Variants in MICU2 observed in about 807,000 individuals in gnomAD.
The protein encoded by MICU2 is mitochondrial calcium uptake 2.
MICU2 carries 64 observed loss-of-function variants against 60.4 expected under a neutral mutation model. The ratio of observed to expected loss-of-function variants is 1.06; its 90% CI spans 0.87 to 1.31. MICU2 has a LOEUF of 1.31. MICU2 is among the 50% of genes most tolerant of loss of function. The pLI, the probability that MICU2 is intolerant of heterozygous loss-of-function variation, is 0.00. For synonymous variants in MICU2, 201 were observed against 175.0 expected (o/e 1.15, Z -1.17); for missense variants, 569 against 531.0 (o/e 1.07, Z -0.70).
At chr13:21,571,046 T>C (rs1040907136) in intron 1 of MICU2, among the ~76,000 whole-genome samples, 26 of 152,148 alleles carry the variant, frequency 1.7e-4, no homozygotes, top group Non-Finnish European at 1.2e-4. Context: ...TGGTAACGTG[T>C]GCGTGCTCTC....
chr13:21,546,243 A>G (rs1320905770), intron 2 of MICU2, among the ~76,000 whole-genome samples: 1 of 151,602 alleles, frequency 6.6e-6, no homozygotes, highest in Non-Finnish European at 1.5e-5. Flanking sequence ...CTTCCTTGCC[A>G]ATTTCCAAAG....
intron 1 of MICU2, chr13:21,603,578 G>A (rs1433665297): frequency 6.3e-6 from 2 of 318,026 alleles, no homozygotes; most frequent in African/African-American, 2.2e-5. Context: ...ACTGACCAGA[G>A]AGGTAGCAAG....
chr13:21,497,543 C>A (rs749279672), intron 9 of MICU2, among the ~76,000 whole-genome samples: 2 of 151,812 alleles, frequency 1.3e-5, no homozygotes, highest in Non-Finnish European at 2.9e-5. Context: ...ACCCCCATCT[C>A]TACAAAAAAT....
At chr13:21,513,661 A>C (rs1465848691) in intron 7 of MICU2, among the ~76,000 whole-genome samples, 1 of 134,962 alleles carries the variant, frequency 7.4e-6, no homozygotes, top group Non-Finnish European at 1.5e-5. Context: ...AATCGCTTGA[A>C]CTGGGGAGGT....
chr13:21,568,324 T>G lies in MICU2; in HGVS notation c.211-1380A>C, dbSNP rs188078824. Among the ~76,000 whole-genome samples, 483 of 152,150 alleles carry G rather than the reference T, an allele frequency of 3.2e-3. 4 individuals carry two copies. The highest frequency in any genetic ancestry group is 6.8e-3 in the Middle Eastern group (2 of 294). On this transcript the variant is annotated intron_variant, in intron 1 of 11. Transcript: ENST00000382374. Reference sequence around the variant, plus strand: ...TTCCTTGAGCAGCTAGTTTTACACCTCTTTTGTGTTGTCAGTGTCTACCAG... The same window carrying G: ...TTCCTTGAGCAGCTAGTTTTACACCGCTTTTGTGTTGTCAGTGTCTACCAG...
At chr13:21,533,015 G>C (rs1434637318) in intron 4 of MICU2, among the ~76,000 whole-genome samples, 2 of 152,146 alleles carry the variant, frequency 1.3e-5, no homozygotes, top group Admixed American at 6.5e-5. Flanking sequence ...GAAAAGTCTT[G>C]AAAGGGAAAG....
chr13:21,501,318 AGTG>A (rs1295183753), intron 9 of MICU2, among the ~76,000 whole-genome samples: 1 of 151,554 alleles, frequency 6.6e-6, no homozygotes, highest in Non-Finnish European at 1.5e-5. Flanking sequence ...GCTGGAGTGC[AGTG>A]GCGCAATCTC....
chr13:21,521,067 T>TTA (rs1318135119), intron 6 of MICU2, among the ~76,000 whole-genome samples, 178 bp downstream of exon 6: 2 of 152,204 alleles, frequency 1.3e-5, no homozygotes, highest in Non-Finnish European at 2.9e-5. Context: ...CTCTGTTCAC[T>TTA]TACTGGTGTC....
At chr13:21,504,270 G>A (rs1886243285) in intron 8 of MICU2, among the ~76,000 whole-genome samples, 1 of 151,972 alleles carries the variant, frequency 6.6e-6, no homozygotes, top group African/African-American at 2.4e-5. Flanking sequence ...ACATTCAACT[G>A]ATTCTTATTA....
chr13:21,531,343 T>C (rs1280772710), intron 4 of MICU2: 10 of 1,488,034 alleles, frequency 6.7e-6, no homozygotes, highest in Admixed American at 2.0e-5. Flanking sequence ...CCCGAAAAAC[T>C]TGATGGAATG....
intron 1 of MICU2, 131 bp downstream of exon 1, chr13:21,603,808 C>A (rs1593365374): frequency 2.0e-6 from 2 of 1,011,546 alleles, no homozygotes; most frequent in East Asian, 2.9e-5. Flanking sequence ...AGTCGCAGGG[C>A]GCTCCGATCC....
chr13:21,550,225 C>T (rs79274681), intron 2 of MICU2, among the ~76,000 whole-genome samples: 2,215 of 152,212 alleles, frequency 0.015, 27 homozygotes, highest in Non-Finnish European at 0.023. Context: ...GCAGTTTCAA[C>T]TTATGCTGAG....
intron 1 of MICU2, among the ~76,000 whole-genome samples, chr13:21,598,186 A>C (rs2138077716): frequency 6.6e-6 from 1 of 152,258 alleles, no homozygotes; most frequent in East Asian, 1.9e-4. Context: ...TGAAAAGCAA[A>C]CAACAACAAC....
chr13:21,538,421 A>C (rs73443847), intron 4 of MICU2, among the ~76,000 whole-genome samples: 2,350 of 152,078 alleles, frequency 0.015, 57 homozygotes, highest in African/African-American at 0.054. Context: ...AATTAAAAAA[A>C]ATTAGCCATG....
intron 1 of MICU2, among the ~76,000 whole-genome samples, chr13:21,597,970 T>G (rs143839282): frequency 1.4e-3 from 199 of 144,412 alleles, no homozygotes; most frequent in African/African-American, 4.4e-3. Context: ...GAGCGATAAG[T>G]ACTATGAAAG....
At chr13:21,583,299 C>A (rs1287942752) in intron 1 of MICU2, among the ~76,000 whole-genome samples, 1 of 152,142 alleles carries the variant, frequency 6.6e-6, no homozygotes, top group Non-Finnish European at 1.5e-5. Context: ...AATAAATAAA[C>A]ATGCTTCAAT....
chr13:21,552,921 T>C (rs1454857207), intron 2 of MICU2, among the ~76,000 whole-genome samples: 4 of 152,214 alleles, frequency 2.6e-5, no homozygotes, highest in Non-Finnish European at 5.9e-5. Context: ...GGGCTCTTTT[T>C]TGGTTCCATA....
intron 9 of MICU2, chr13:21,496,594 T>C (rs1239235570): frequency 6.3e-6 from 1 of 159,264 alleles, no homozygotes; most frequent in Non-Finnish European, 1.4e-5. Context: ...GATGGACTTT[T>C]AATGCTGAAA....
rs1395708522 is a variant in MICU2 at position 21,493,339 on chromosome 13, C to CT, written c.1214dup (p.Ser406GlufsTer15). On this transcript the variant is annotated frameshift_variant, in exon 12 of 12. Transcript: ENST00000382374. LOFTEE classifies it high-confidence loss of function. ...CACACTTCCAGTATTCTTGTATACT[C>CT]TGATGTTGTGGTACCTGTTAACCGA... 3.1e-6 allele frequency: 5 copies of CT among 1,605,140 alleles called. No individual in the cohort carries two copies. Among genetic ancestry groups the CT allele is most frequent in the Non-Finnish European group, 2.5e-6 (3 of 1,176,766 alleles).
Sources: allele counts gnomAD v4.1 joint callset (sites outside exome capture counted in the v4.1 genomes callset), GRCh38; gene constraint gnomAD v4.1.1; transcripts MANE v1.5; gene names NCBI Gene and HGNC (gene_info 2026-07-23, HGNC 2026-07-21).